RBM20: variants seen among roughly 807,000 people sequenced by gnomAD.
RBM20 encodes RNA-binding protein 20.
In RBM20, 51 loss-of-function variants were observed where a neutral mutation model predicts 110.1. The observed-to-expected ratio is 0.46, with a 90% CI of 0.37 to 0.59. The LOEUF (loss-of-function observed/expected upper bound fraction) is 0.59, where lower values mean the gene tolerates loss of function less well. Among genes scored for constraint, RBM20 ranks in the 20% least tolerant of loss-of-function variants. The pLI is 0.00. For synonymous variants in RBM20, 589 were observed against 618.2 expected, an observed-to-expected ratio of 0.95 and a Z score of 0.70; for missense variants, 1,512 against 1,574.9, an observed-to-expected ratio of 0.96 and a Z score of 0.68.
Position 110,772,265 on chromosome 10 carries a change from A to G in RBM20, c.192-8536A>G, listed in dbSNP as rs183640559. 5.1e-4 allele frequency among the ~76,000 whole-genome samples: 77 copies of G among 152,340 alleles called. 1 individual carries two copies. Among genetic ancestry groups the G allele is most frequent in the Admixed American group, 3.3e-3 (51 of 15,304 alleles). ...TATAATAAAGTATTTTTGGTATTTC[A>G]TTTACTAAATCTTCAGGGATATAGG... On this transcript the variant is annotated intron_variant, in intron 1 of 13. Transcript: ENST00000369519.
chr10:110,694,428 C>T (rs1862632031), intron 1 of RBM20, among the ~76,000 whole-genome samples: 4 of 152,190 alleles, frequency 2.6e-5, no homozygotes, highest in Admixed American at 2.6e-4. Context: ...GCTTGAGCAG[C>T]CACTTTTAAG....
chr10:110,814,838 A>G (rs1463760131), intron 9 of RBM20, among the ~76,000 whole-genome samples: 2 of 152,230 alleles, frequency 1.3e-5, no homozygotes, highest in Non-Finnish European at 2.9e-5. Flanking sequence ...GTGAAAAAGA[A>G]AGACTGTTTT....
At chr10:110,797,713 T>C (rs1844569989) in intron 6 of RBM20, 65 bp downstream of exon 6, 1 of 1,484,148 alleles carries the variant, frequency 6.7e-7, no homozygotes, top group South Asian at 1.3e-5. Flanking sequence ...AAGGGAACGA[T>C]ATAATTTTTG....
intron 13 of RBM20, among the ~76,000 whole-genome samples, chr10:110,832,091 G>A (rs1345443349): frequency 6.6e-6 from 1 of 152,142 alleles, no homozygotes; most frequent in Admixed American, 6.5e-5. Flanking sequence ...ATGAAATATG[G>A]TAATATGTTC....
chr10:110,767,555 G>A (rs1401352283), intron 1 of RBM20, among the ~76,000 whole-genome samples: 2 of 149,506 alleles, frequency 1.3e-5, no homozygotes, highest in African/African-American at 2.5e-5. Flanking sequence ...GGGCGGAGGG[G>A]CTCCTCACTT....
chr10:110,739,347 G>A lies in RBM20; in HGVS notation c.192-41454G>A, dbSNP rs1843703242. On this transcript the variant is annotated intron_variant, in intron 1 of 13. Coordinates refer to ENST00000369519, the MANE Select transcript of RBM20 (RefSeq NM_001134363.3). The surrounding 1 kb of genome is among the most constrained non-coding windows in gnomAD (Gnocchi z 4.1). ...CATTAGGTGCCCACTCTGGGTTACT[G>A]TGTCTCGCACTGTCCTGGACACTAG... 6.6e-6 allele frequency among the ~76,000 whole-genome samples: 1 copy of A among 152,158 alleles called. No individual in the cohort carries two copies. Among genetic ancestry groups the A allele is most frequent in the South Asian group, 2.1e-4 (1 of 4,826 alleles).
intron 13 of RBM20, chr10:110,835,328 CTTTTTTTTTTCT>C (rs201757542): frequency 0.029 from 3,146 of 106,676 alleles, 75 homozygotes; most frequent in Middle Eastern, 0.087. Context: ...TTCTTTTTTT[CTTTTTTTTTTCT>C]TTTTTTTTTT....
At chr10:110,781,999 T>C (rs981618725) in intron 2 of RBM20, 115 bp downstream of exon 2, 3 of 1,321,678 alleles carry the variant, frequency 2.3e-6, no homozygotes, top group Non-Finnish European at 3.2e-6. Context: ...GTAACAGAAT[T>C]TTGCCATCAG....
chr10:110,643,512 C>G (rs1298856372), upstream of RBM20, among the ~76,000 whole-genome samples: 1 of 152,084 alleles, frequency 6.6e-6, no homozygotes, highest in African/African-American at 2.4e-5. Flanking sequence ...TGACGGTGAC[C>G]GTACGTTGTC....
chr10:110,712,997 T>G (rs547092608), intron 1 of RBM20, among the ~76,000 whole-genome samples: 23 of 152,374 alleles, frequency 1.5e-4, no homozygotes, highest in Non-Finnish European at 3.1e-4. Context: ...AAGTGTCTTT[T>G]CCTTCCTCTT....
At chr10:110,821,132 G>C (rs912200553) in intron 10 of RBM20, 143 bp from the exon 11 acceptor site, 18 of 684,794 alleles carry the variant, frequency 2.6e-5, no homozygotes, top group Non-Finnish European at 4.1e-5. Flanking sequence ...CGTGGGACTT[G>C]AGTGGTTCAC....
chr10:110,761,918 A>T (rs1368497160), intron 1 of RBM20, among the ~76,000 whole-genome samples: 2 of 152,250 alleles, frequency 1.3e-5, no homozygotes, highest in African/African-American at 2.4e-5. Context: ...AAAAGGAAGG[A>T]TTAACTGACA....
chr10:110,785,327 G>A (rs1844407140), intron 5 of RBM20, among the ~76,000 whole-genome samples: 1 of 152,144 alleles, frequency 6.6e-6, no homozygotes, highest in African/African-American at 2.4e-5. Context: ...CACTTCTCTA[G>A]TTTCCAAGAT....
At chr10:110,729,564 G>T (rs549464806) in intron 1 of RBM20, among the ~76,000 whole-genome samples, 1 of 152,196 alleles carries the variant, frequency 6.6e-6, no homozygotes, top group Non-Finnish European at 1.5e-5. Context: ...AGCTGAGATC[G>T]TATCTCCCAG....
At chr10:110,697,281 T>C (rs1286294726) in intron 1 of RBM20, among the ~76,000 whole-genome samples, 2 of 152,238 alleles carry the variant, frequency 1.3e-5, no homozygotes, top group Non-Finnish European at 2.9e-5. Flanking sequence ...CATGCGTCAG[T>C]ATCCCTGGCT....
intron 1 of RBM20, among the ~76,000 whole-genome samples, chr10:110,738,344 G>C (rs1843692944): frequency 6.6e-6 from 1 of 152,176 alleles, no homozygotes; most frequent in Admixed American, 6.5e-5. Flanking sequence ...GCAATTATAG[G>C]CCTGAGCAGG....
chr10:110,750,067 TG>T (rs1843833206), intron 1 of RBM20, among the ~76,000 whole-genome samples: 1 of 152,230 alleles, frequency 6.6e-6, no homozygotes. Context: ...ACATAGGTGT[TG>T]CCTCTGGACA....
chr10:110,802,462 A>G (rs187094153), intron 7 of RBM20, among the ~76,000 whole-genome samples: 1 of 151,524 alleles, frequency 6.6e-6, no homozygotes, highest in Non-Finnish European at 1.5e-5. Context: ...TCTATATCCA[A>G]CCAAAGTTCC....
At chr10:110,793,351 A>G (rs536223704) in intron 5 of RBM20, among the ~76,000 whole-genome samples, 3 of 152,358 alleles carry the variant, frequency 2.0e-5, no homozygotes, top group Non-Finnish European at 2.9e-5. Flanking sequence ...TTTATCTGCC[A>G]AAGTACTTGT....
Sources: gnomAD v4.1 joint callset for allele counts (sites outside exome capture counted in the v4.1 genomes callset) on GRCh38, gnomAD v4.1.1 for gene constraint, Gnocchi (gnomAD v3.1) non-coding constraint, MANE v1.5 for transcripts, NCBI Gene and HGNC (gene_info 2026-07-23, HGNC 2026-07-21) for gene names.